The following QTMAN variants were observed in gnomAD, a reference collection of about 807,000 sequenced individuals.
The protein encoded by QTMAN is tRNA-queuosine alpha-mannosyltransferase.
the QTMAN span, among the ~76,000 whole-genome samples, chr2:144,078,102 T>G: frequency 6.6e-6 from 1 of 152,332 alleles, no homozygotes. Flanking sequence ...GAAAGCATGC[T>G]ATAGCACTCT....
chr2:144,119,018 G>A, the QTMAN span, among the ~76,000 whole-genome samples: 1 of 152,186 alleles, frequency 6.6e-6, no homozygotes, highest in Non-Finnish European at 1.5e-5. Flanking sequence ...AGGTTTCACA[G>A]ATTAATCCTT....
At chr2:144,015,719 G>A in the QTMAN span, among the ~76,000 whole-genome samples, 1 of 152,098 alleles carries the variant, frequency 6.6e-6, no homozygotes, top group Non-Finnish European at 1.5e-5. Context: ...ATTATTTTGG[G>A]GGACAGGTAA....
chr2:144,273,146 TCAC>T, the QTMAN span, among the ~76,000 whole-genome samples: 692 of 152,110 alleles, frequency 4.5e-3, 5 homozygotes, highest in African/African-American at 0.014. Flanking sequence ...ATATTCAAAT[TCAC>T]CACATGAAAT....
At chr2:144,112,093 A>G in the QTMAN span, among the ~76,000 whole-genome samples, 1 of 152,218 alleles carries the variant, frequency 6.6e-6, no homozygotes, top group South Asian at 2.1e-4. Flanking sequence ...ATAATATTGC[A>G]CTAGGTTGAA....
At chr2:144,329,546 T>C in the QTMAN span, among the ~76,000 whole-genome samples, 2 of 152,218 alleles carry the variant, frequency 1.3e-5, no homozygotes, top group Non-Finnish European at 2.9e-5. Flanking sequence ...TCAATTCAGG[T>C]TGTCACACTT....
the QTMAN span, among the ~76,000 whole-genome samples, chr2:144,163,023 A>C: frequency 6.6e-6 from 1 of 152,204 alleles, no homozygotes; most frequent in Non-Finnish European, 1.5e-5. Context: ...ACTACAAAAC[A>C]AACCCGGAAT....
chr2:144,098,902 G>C, the QTMAN span, among the ~76,000 whole-genome samples: 1 of 151,108 alleles, frequency 6.6e-6, no homozygotes, highest in South Asian at 2.1e-4. Flanking sequence ...TAGTGATGGT[G>C]CTACAGCTCC....
At chr2:144,208,085 G>C in the QTMAN span, among the ~76,000 whole-genome samples, 1 of 152,010 alleles carries the variant, frequency 6.6e-6, no homozygotes, top group Non-Finnish European at 1.5e-5. Context: ...ATTGAGTTCT[G>C]TGCCCCTCAA....
chr2:143,991,996 A>G, the QTMAN span, among the ~76,000 whole-genome samples: 1 of 152,036 alleles, frequency 6.6e-6, no homozygotes, highest in Non-Finnish European at 1.5e-5. Context: ...GGAAGTGAGG[A>G]GCCCCTCTGC....
At chr2:144,119,865 A>G in the QTMAN span, among the ~76,000 whole-genome samples, 1 of 151,014 alleles carries the variant, frequency 6.6e-6, no homozygotes, top group African/African-American at 2.5e-5. Flanking sequence ...TAAAAACAAA[A>G]CAAAACAAAA....
chr2:144,118,640 T>C, the QTMAN span, among the ~76,000 whole-genome samples: 1 of 152,108 alleles, frequency 6.6e-6, no homozygotes, highest in Non-Finnish European at 1.5e-5. Flanking sequence ...TCCCAGCACT[T>C]TGGGAGGCCG....
chr2:144,043,590 G>A, the QTMAN span, among the ~76,000 whole-genome samples: 3 of 150,934 alleles, frequency 2.0e-5, no homozygotes, highest in South Asian at 2.1e-4. Flanking sequence ...CTGAGATCAC[G>A]CCACTGCACT....
the QTMAN span, among the ~76,000 whole-genome samples, chr2:144,182,583 G>T: frequency 7.2e-6 from 1 of 138,800 alleles, no homozygotes; most frequent in Admixed American, 7.8e-5. Flanking sequence ...GGCGGAGTTT[G>T]CAGTGAGCCA....
the QTMAN span, among the ~76,000 whole-genome samples, chr2:144,172,951 A>G: frequency 6.6e-6 from 1 of 151,946 alleles, no homozygotes; most frequent in African/African-American, 2.4e-5. Flanking sequence ...TTTCAACTCT[A>G]TCTTCTTGTG....
chr2:143,986,793 C>A, the QTMAN span, among the ~76,000 whole-genome samples: 1 of 152,130 alleles, frequency 6.6e-6, no homozygotes, highest in Non-Finnish European at 1.5e-5. Context: ...AAAATATACA[C>A]ATGTATGTGT....
At chr2:144,203,188 T>TGTGTGTGC in the QTMAN span, among the ~76,000 whole-genome samples, 1 of 146,130 alleles carries the variant, frequency 6.8e-6, no homozygotes, top group Admixed American at 6.8e-5. Flanking sequence ...TGTGTGTGTG[T>TGTGTGTGC]GTGCACGTGC....
At chr2:144,289,505 G>C in the QTMAN span, among the ~76,000 whole-genome samples, 2 of 152,136 alleles carry the variant, frequency 1.3e-5, no homozygotes, top group African/African-American at 4.8e-5. Flanking sequence ...TATAGTAAAT[G>C]AAACAAGAAA....
chr2:144,249,921 T>C, the QTMAN span, among the ~76,000 whole-genome samples: 1 of 152,112 alleles, frequency 6.6e-6, no homozygotes, highest in Admixed American at 6.5e-5. Flanking sequence ...CAAAATACAT[T>C]CTTAAGAATT....
At chr2:144,162,572 G>A in the QTMAN span, among the ~76,000 whole-genome samples, 10 of 152,118 alleles carry the variant, frequency 6.6e-5, no homozygotes, top group Admixed American at 6.6e-4. Context: ...AAAAAACAAA[G>A]AGAGAAAAAT....
Sources: gnomAD v4.1 joint callset for allele counts (sites outside exome capture counted in the v4.1 genomes callset) on GRCh38, gnomAD v4.1.1 for gene constraint, MANE v1.5 for transcripts, NCBI Gene and HGNC (gene_info 2026-07-23, HGNC 2026-07-21) for gene names.